The following HDAC9 variants were observed in gnomAD, a reference collection of about 807,000 sequenced individuals.
The protein encoded by HDAC9 is histone deacetylase 9, also known as MEF-2 interacting transcription repressor (MITR) protein.
In HDAC9, 41 loss-of-function variants were observed where a neutral mutation model predicts 139.4. That is an observed-to-expected ratio of 0.29 (90% CI 0.23 to 0.38). HDAC9 has a LOEUF of 0.38. Ranked by LOEUF, HDAC9 falls within the 10% of genes least tolerant of loss-of-function variation. The probability of loss-of-function intolerance (pLI) is 1.00; values close to 1 mark genes in which losing one functional copy is unlikely to be tolerated. For synonymous variants in HDAC9, 517 were observed against 476.2 expected, an observed-to-expected ratio of 1.09 and a Z score of -1.12; for missense variants, 1,147 against 1,297.0, an observed-to-expected ratio of 0.88 and a Z score of 1.78.
intron 1 of HDAC9, among the ~76,000 whole-genome samples, chr7:18,133,157 A>G (rs1785138456): frequency 6.6e-6 from 1 of 152,194 alleles, no homozygotes; most frequent in South Asian, 2.1e-4. Flanking sequence ...TGGAAAATAC[A>G]TTGGAAAAAC....
chr7:18,960,975 G>A (rs1205720349), intron 24 of HDAC9, among the ~76,000 whole-genome samples: 1 of 152,186 alleles, frequency 6.6e-6, no homozygotes, highest in Non-Finnish European at 1.5e-5. Flanking sequence ...TGCAACGTGT[G>A]CTGCATAAAT....
At chr7:18,382,406 A>G (rs116641724) in intron 1 of HDAC9, among the ~76,000 whole-genome samples, 2,306 of 152,360 alleles carry the variant, frequency 0.015, 70 homozygotes, top group African/African-American at 0.052. Context: ...TATAATTCTT[A>G]GAAATATGAA....
chr7:18,297,906 A>G (rs890199652), intron 1 of HDAC9, among the ~76,000 whole-genome samples: 2 of 152,176 alleles, frequency 1.3e-5, no homozygotes, highest in African/African-American at 2.4e-5. Context: ...AGCCTTAATG[A>G]CGTTCCATCC....
intron 6 of HDAC9, among the ~76,000 whole-genome samples, chr7:18,602,082 T>G (rs1279370131): frequency 2.6e-5 from 4 of 152,136 alleles, no homozygotes; most frequent in Admixed American, 2.6e-4. Context: ...GTGAAACCAT[T>G]TGGACCTGGT....
intron 1 of HDAC9, among the ~76,000 whole-genome samples, chr7:18,334,994 T>G (rs1781481309): frequency 1.3e-5 from 2 of 151,508 alleles, no homozygotes; most frequent in African/African-American, 4.8e-5. Flanking sequence ...TTTCTTTTTG[T>G]CCGGCAGGGT....
At chr7:18,589,172 T>G (rs1400498096) in intron 3 of HDAC9, among the ~76,000 whole-genome samples, 1 of 152,048 alleles carries the variant, frequency 6.6e-6, no homozygotes, top group African/African-American at 2.4e-5. Flanking sequence ...TTTACTATAG[T>G]TCATAGATAT....
intron 22 of HDAC9, chr7:18,892,082 A>G (rs1274775946): frequency 2.0e-5 from 3 of 152,190 alleles, no homozygotes; most frequent in African/African-American, 7.2e-5. Context: ...ATGAAAAAGA[A>G]TGAGGGGAAA....
At chr7:18,309,434 A>C (rs191448445) in intron 1 of HDAC9, among the ~76,000 whole-genome samples, 6 of 152,278 alleles carry the variant, frequency 3.9e-5, no homozygotes, top group Non-Finnish European at 7.4e-5. Flanking sequence ...TTTCAGTCTG[A>C]GTTGAGCAAT....
intron 1 of HDAC9, among the ~76,000 whole-genome samples, chr7:18,340,750 G>T (rs1195159750): frequency 6.6e-6 from 1 of 151,500 alleles, no homozygotes; most frequent in Non-Finnish European, 1.5e-5. Flanking sequence ...AAACATTCAA[G>T]TATCTTTAGA....
chr7:18,721,284 T>C (rs1380604259), intron 12 of HDAC9, among the ~76,000 whole-genome samples: 16 of 152,170 alleles, frequency 1.1e-4, no homozygotes, highest in Admixed American at 1.0e-3. Flanking sequence ...CTCTCATTCC[T>C]TCCCTTCTGA....
chr7:18,688,174 A>G (rs1782413756), intron 12 of HDAC9, among the ~76,000 whole-genome samples: 1 of 151,802 alleles, frequency 6.6e-6, no homozygotes, highest in African/African-American at 2.4e-5. Flanking sequence ...TTACTCTTTT[A>G]GTTTTCAACA....
intron 2 of HDAC9, among the ~76,000 whole-genome samples, chr7:18,549,347 A>G (rs781612580): frequency 2.0e-5 from 3 of 152,254 alleles, no homozygotes; most frequent in Non-Finnish European, 4.4e-5. Context: ...TATTGTGCAC[A>G]GTTGTTCACT....
chr7:18,318,810 A>T (rs1585151564), intron 1 of HDAC9, among the ~76,000 whole-genome samples: 1 of 152,062 alleles, frequency 6.6e-6, no homozygotes, highest in African/African-American at 2.4e-5. Flanking sequence ...ATAAGGGGGG[A>T]TAATACTCCC....
At chr7:18,610,749 A>C (rs996704006) in intron 6 of HDAC9, among the ~76,000 whole-genome samples, 5 of 152,210 alleles carry the variant, frequency 3.3e-5, no homozygotes, top group Admixed American at 6.5e-5. Flanking sequence ...CATCGTAAGC[A>C]CTTCAACTCA....
At chr7:18,482,428 C>T (rs1327375735) in intron 1 of HDAC9, among the ~76,000 whole-genome samples, 1 of 90,054 alleles carries the variant, frequency 1.1e-5, no homozygotes, top group Admixed American at 1.4e-4. Context: ...TTCTCCTTGG[C>T]TGCCACGTCT....
At chr7:18,879,466 A>G (rs1179466383) in intron 22 of HDAC9, among the ~76,000 whole-genome samples, 2 of 152,160 alleles carry the variant, frequency 1.3e-5, no homozygotes, top group African/African-American at 2.4e-5. Flanking sequence ...AAACAGGCAC[A>G]TAGACTAATG....
intron 12 of HDAC9, among the ~76,000 whole-genome samples, chr7:18,712,364 C>T (rs1011901993): frequency 1.3e-5 from 2 of 152,162 alleles, no homozygotes; most frequent in African/African-American, 4.8e-5. Context: ...GCATGTGGGA[C>T]TATTGCATGA....
intron 12 of HDAC9, among the ~76,000 whole-genome samples, chr7:18,697,210 C>T (rs1447469604): frequency 6.6e-6 from 1 of 152,170 alleles, no homozygotes; most frequent in Non-Finnish European, 1.5e-5. Context: ...GGATCACATC[C>T]TGGCAGATGA....
intron 2 of HDAC9, among the ~76,000 whole-genome samples, chr7:18,584,731 A>G (rs185518641): frequency 6.6e-6 from 1 of 152,128 alleles, no homozygotes; most frequent in Admixed American, 6.5e-5. Flanking sequence ...GTTAATTACC[A>G]TTTTCCACAT....
Sources: allele counts gnomAD v4.1 joint callset (sites outside exome capture counted in the v4.1 genomes callset), GRCh38; gene constraint gnomAD v4.1.1; transcripts MANE v1.5; gene names NCBI Gene and HGNC (gene_info 2026-07-23, HGNC 2026-07-21).